Variants in DNAH11 observed in about 807,000 individuals in gnomAD.
DNAH11 encodes the protein dynein axonemal heavy chain 11.
DNAH11 carries 442 observed loss-of-function variants against 526.0 expected under a neutral mutation model. The observed-to-expected ratio is 0.84, with a 90% confidence interval of 0.78 to 0.91. The LOEUF (loss-of-function observed/expected upper bound fraction) is 0.91, where lower values mean the gene tolerates loss of function less well. Ranked by LOEUF, DNAH11 falls within the 40% of genes least tolerant of loss-of-function variation. The probability of loss-of-function intolerance (pLI) is 0.00; values close to 1 mark genes in which losing one functional copy is unlikely to be tolerated. For missense variants in DNAH11, 6,989 were observed against 5,448.7 expected (o/e 1.28, Z -8.90); for synonymous variants, 2,461 against 1,935.9 (o/e 1.27, Z -7.12).
At chr7:21,758,871 C>A (rs996675413) in intron 54 of DNAH11, among the ~76,000 whole-genome samples, 3 of 152,158 alleles carry the variant, frequency 2.0e-5, no homozygotes, top group South Asian at 2.1e-4. Context: ...CCTGTTCTTG[C>A]AATGGTGCAT....
At chr7:21,687,042 A>G (rs754244836) in intron 32 of DNAH11, 57 bp from the exon 33 acceptor site, 2 of 1,527,502 alleles carry the variant, frequency 1.3e-6, no homozygotes, top group Admixed American at 2.1e-5. Context: ...ATTGCCTCTG[A>G]TGTTTTATGA....
rs1360420006 is a variant in DNAH11, at chr7:21,702,709, G to A, written c.6181-1G>A. 3.7e-6 allele frequency: 6 copies of A among 1,612,854 alleles called. No homozygotes were observed. Among genetic ancestry groups the A allele is most frequent in the South Asian group, 1.1e-5 (1 of 90,924 alleles). ...AGAAAATAAACCTGTTTTGATTTTA[G>A]GATCATTACGACTGGGGACTTCGTG... On this transcript the variant is annotated splice_acceptor_variant, in intron 36 of 81. Transcript: ENST00000409508. LOFTEE classifies it high-confidence loss of function.
At position 21,543,117 on chromosome 7, in the gene DNAH11, C is replaced by G; in HGVS notation, c.-129C>G. 2 of 1,430,332 alleles carry G rather than the reference C, an allele frequency of 1.4e-6. No individual in the cohort carries two copies. The highest frequency in any genetic ancestry group is 1.4e-5 in the African/African-American group (1 of 69,146). The allele number at this position is 1,430,332 out of a possible 1,614,324, so 88.6% of individuals were successfully genotyped here. A position where few individuals can be genotyped will look rare whatever the true frequency, so the allele number is the denominator to read the frequency against. ...CTGCTAAGTAGCAGCAGGTGGGAGA[C>G]TAGGGTCTGCGCTCGCGGCGACCGC... On this transcript the variant is annotated 5_prime_UTR_variant, in exon 1 of 82. Transcript: ENST00000409508.
intron 63 of DNAH11, among the ~76,000 whole-genome samples, chr7:21,814,886 A>C (rs1021434400): frequency 1.3e-5 from 2 of 152,132 alleles, no homozygotes; most frequent in Admixed American, 1.3e-4. Context: ...TTTATGAAAA[A>C]AATTCTGTAT....
chr7:21,890,430 C>T (rs1384139039), intron 76 of DNAH11, among the ~76,000 whole-genome samples: 1 of 152,178 alleles, frequency 6.6e-6, no homozygotes, highest in Non-Finnish European at 1.5e-5. Context: ...CTTAACCTTT[C>T]CAAGTGGTTT....
At chr7:21,600,266 C>T in intron 15 of DNAH11, 147 bp downstream of exon 15, 2 of 665,956 alleles carry the variant, frequency 3.0e-6, no homozygotes, top group Non-Finnish European at 4.7e-6. Context: ...TCAAGACCAG[C>T]CTAAGCAGCA....
intron 58 of DNAH11, among the ~76,000 whole-genome samples, chr7:21,784,885 A>G (rs1415373414): frequency 2.0e-5 from 3 of 152,186 alleles, no homozygotes; most frequent in Non-Finnish European, 4.4e-5. Context: ...TTTAAGAACT[A>G]GGCGAAGGAT....
At chr7:21,770,233 C>A (rs1204162450) in intron 55 of DNAH11, among the ~76,000 whole-genome samples, 1 of 152,074 alleles carries the variant, frequency 6.6e-6, no homozygotes, top group Non-Finnish European at 1.5e-5. Context: ...GGAATATTTG[C>A]ATTTACATAA....
intron 57 of DNAH11, among the ~76,000 whole-genome samples, chr7:21,780,407 C>T (rs1216411049): frequency 3.9e-5 from 6 of 152,074 alleles, no homozygotes; most frequent in South Asian, 2.1e-4. Flanking sequence ...AAAGACAAAG[C>T]GTGTTATTCC....
chr7:21,875,227 C>T (rs1237202549), intron 74 of DNAH11, among the ~76,000 whole-genome samples: 3 of 152,066 alleles, frequency 2.0e-5, no homozygotes, highest in Admixed American at 2.0e-4. Flanking sequence ...TTTTAATCAT[C>T]TCTTAATTTA....
At chr7:21,866,690 A>C in intron 71 of DNAH11, 27 bp downstream of exon 71, 1 of 1,587,470 alleles carries the variant, frequency 6.3e-7, no homozygotes, top group Non-Finnish European at 8.6e-7. Flanking sequence ...TTTTGGAAAC[A>C]TGTATTAGTT....
At chr7:21,716,133 A>G (rs1300521856) in intron 42 of DNAH11, among the ~76,000 whole-genome samples, 11 of 152,058 alleles carry the variant, frequency 7.2e-5, no homozygotes, top group Non-Finnish European at 2.9e-5. Context: ...AATGCTTGCA[A>G]TGGCTTTCTG....
chr7:21,690,969 T>C (rs757254478), intron 35 of DNAH11, 88 bp downstream of exon 35: 1 of 955,062 alleles, frequency 1.0e-6, no homozygotes, highest in Non-Finnish European at 1.6e-6. Flanking sequence ...TTGCTTTTAC[T>C]TGAAAATTCC....
Position 21,775,615 on chromosome 7 carries a change from C to CAA in DNAH11, c.9336+1627_9336+1628dup, listed in dbSNP as rs11325043. ...TGAGCAACAGAGTGAGACCCTGTCT[C>CAA]AAAAAAAAAAAACAAGTCTGTCTTT... On this transcript the variant is annotated intron_variant, in intron 56 of 81. Transcript: ENST00000409508. Among the ~76,000 whole-genome samples the CAA allele has an allele frequency of 4.0e-3, 595 of 148,208 alleles. 6 individuals carry two copies. The highest frequency in any genetic ancestry group is 0.014 in the Middle Eastern group (4 of 288).
chr7:21,591,897 C>T (rs1200530693), intron 14 of DNAH11, among the ~76,000 whole-genome samples: 3 of 152,150 alleles, frequency 2.0e-5, no homozygotes, highest in Non-Finnish European at 2.9e-5. Context: ...TTGTTGACTG[C>T]CTCGTATGTG....
chr7:21,725,220 C>A (rs148236155), intron 44 of DNAH11, among the ~76,000 whole-genome samples: 2 of 152,286 alleles, frequency 1.3e-5, no homozygotes, highest in East Asian at 1.9e-4. Flanking sequence ...TGGTGGGAAA[C>A]CAAGCCCATG....
In DNAH11 at chr7:21,625,804, T is replaced by G. The variant is rs890245703; in HGVS notation, c.4500+5726T>G. On this transcript the variant is annotated intron_variant, in intron 25 of 81. Transcript: ENST00000409508. Reference sequence around the variant, plus strand: ...ATTAATTTTCATGTATTTGTGAGTTTCCAAAATTCCTCCTGTTATTGATTT... The same window carrying G: ...ATTAATTTTCATGTATTTGTGAGTTGCCAAAATTCCTCCTGTTATTGATTT... Among the ~76,000 whole-genome samples, 6 of 152,154 alleles carry G rather than the reference T, an allele frequency of 3.9e-5. No individual in the cohort carries two copies. The South Asian group carries it at 8.3e-4, about 21-fold the overall frequency.
At chr7:21,887,840 T>C (rs1031159073) in intron 76 of DNAH11, among the ~76,000 whole-genome samples, 1 of 152,196 alleles carries the variant, frequency 6.6e-6, no homozygotes, top group African/African-American at 2.4e-5. Context: ...TTATTCCATT[T>C]AATCAAAAAA....
chr7:21,686,617 GTA>G (rs1783385317), intron 32 of DNAH11, among the ~76,000 whole-genome samples: 1 of 151,852 alleles, frequency 6.6e-6, no homozygotes, highest in East Asian at 1.9e-4. Context: ...ATTGAAATAG[GTA>G]TATGTTATTT....
Sources: allele counts gnomAD v4.1 joint callset (sites outside exome capture counted in the v4.1 genomes callset), GRCh38; gene constraint gnomAD v4.1.1; transcripts MANE v1.5; gene names NCBI Gene and HGNC (gene_info 2026-07-23, HGNC 2026-07-21).